Variants in EBF2 observed in about 807,000 individuals in gnomAD.
EBF2 encodes transcription factor COE2.
In EBF2, 21 loss-of-function variants were observed where a neutral mutation model predicts 72.8. The ratio of observed to expected loss-of-function variants is 0.29; its 90% CI spans 0.20 to 0.42. The LOEUF is 0.42. EBF2 is among the 10% of genes least tolerant of loss of function. EBF2 has a pLI of 1.00. For missense variants in EBF2, 637 were observed against 731.2 expected (o/e 0.87, Z 1.49); for synonymous variants, 299 against 274.2 (o/e 1.09, Z -0.89).
At chr8:26,034,526 A>G (rs1394621508) in intron 5 of EBF2, among the ~76,000 whole-genome samples, 1 of 152,208 alleles carries the variant, frequency 6.6e-6, no homozygotes, top group African/African-American at 2.4e-5. Context: ...GTCCAAAGGT[A>G]TCTGTTCGAA....
chr8:26,033,108 T>G lies in EBF2; in HGVS notation c.528A>C (p.Pro176=), dbSNP rs758404715. ...KKSCGNRNET[P]SDPVIIDRFF... ...ACCTGTCAATTATGACTGGGTCCGA[T>G]GGAGTCTCATTTCGGTTTCCACAGC... The change falls in exon 6 of 16, where the codon CCA becomes CCC. Residue 176 remains proline, a synonymous_variant. Coordinates refer to ENST00000520164, the MANE Select transcript of EBF2 (RefSeq NM_022659.4). The G allele has an allele frequency of 2.5e-6, 4 of 1,614,216 alleles. No individual in the cohort carries two copies. The highest frequency in any genetic ancestry group is 3.4e-6 in the Non-Finnish European group (4 of 1,180,036).
intron 6 of EBF2, among the ~76,000 whole-genome samples, chr8:25,967,417 G>C (rs1585210819): frequency 6.6e-6 from 1 of 152,180 alleles, no homozygotes; most frequent in African/African-American, 2.4e-5. Flanking sequence ...ATCCAACCTA[G>C]TGAGCATCAT....
intron 6 of EBF2, among the ~76,000 whole-genome samples, chr8:25,985,387 G>A (rs1804433013): frequency 6.6e-6 from 1 of 152,190 alleles, no homozygotes; most frequent in Non-Finnish European, 1.5e-5. Context: ...AGACAGCAAG[G>A]CAGAACCAAC....
rs1805076258 is a variant in EBF2 at position 26,014,437 on chromosome 8, A to T, written c.551+18648T>A. On this transcript the variant is annotated intron_variant, in intron 6 of 15. Transcript: ENST00000520164. ...TTCTTCAGGTACTCCCAAGGTGGGT[A>T]AAAATTACAAAATCAAAGTTAAGTT... Among the ~76,000 whole-genome samples the T allele has an allele frequency of 2.0e-5, 3 of 152,184 alleles. No homozygotes were observed. In the South Asian group the frequency reaches 6.2e-4, roughly 32 times the overall value.
intron 6 of EBF2, among the ~76,000 whole-genome samples, chr8:25,985,310 G>A (rs1456788445): frequency 6.6e-6 from 1 of 152,182 alleles, no homozygotes; most frequent in Non-Finnish European, 1.5e-5. Flanking sequence ...CAGTGCCACA[G>A]CAGATTTCCT....
intron 6 of EBF2, 33 bp from the exon 7 acceptor site, chr8:25,908,588 A>T (rs2117313552): frequency 8.5e-7 from 1 of 1,179,126 alleles, no homozygotes; most frequent in Non-Finnish European, 1.3e-6. Flanking sequence ...TACATTTTTC[A>T]GTAAACATTT....
intron 6 of EBF2, among the ~76,000 whole-genome samples, chr8:26,011,730 G>A (rs567098157): frequency 7.2e-5 from 11 of 152,122 alleles, no homozygotes; most frequent in African/African-American, 1.9e-4. Context: ...CACTGCTACC[G>A]CTCTGTGGTG....
chr8:25,966,980 C>G (rs2117184656), intron 6 of EBF2, among the ~76,000 whole-genome samples: 3 of 152,286 alleles, frequency 2.0e-5, no homozygotes, highest in Middle Eastern at 6.8e-3. Flanking sequence ...GAGCCAATGT[C>G]AACAATGCAT....
intron 6 of EBF2, among the ~76,000 whole-genome samples, chr8:25,966,943 A>C (rs1804124726): frequency 6.6e-6 from 1 of 152,242 alleles, no homozygotes; most frequent in Admixed American, 6.5e-5. Context: ...CTGCCCAGAC[A>C]CCATCCCTGA....
intron 6 of EBF2, among the ~76,000 whole-genome samples, chr8:25,923,731 G>A (rs1317494305): frequency 6.6e-6 from 1 of 152,180 alleles, no homozygotes; most frequent in Non-Finnish European, 1.5e-5. Flanking sequence ...GTGAGGGCCA[G>A]GTCATGGTTT....
intron 10 of EBF2, among the ~76,000 whole-genome samples, chr8:25,876,003 A>G (rs1802513504): frequency 6.6e-6 from 1 of 152,208 alleles, no homozygotes; most frequent in African/African-American, 2.4e-5. Context: ...AAGACTTGGA[A>G]CCAACCCAAA....
chr8:25,945,088 G>GCCCCCCCCCCCCCCCCCCCCC (rs11461828), intron 6 of EBF2, among the ~76,000 whole-genome samples: 1 of 127,374 alleles, frequency 7.9e-6, no homozygotes, highest in Non-Finnish European at 1.6e-5. Flanking sequence ...TTGTTCTGTT[G>GCCCCCCCCCCCCCCCCCCCCC]CCCCCCCCGC....
chr8:25,887,942 C>T lies in EBF2; in HGVS notation c.782G>A (p.Ser261Asn). ...ATPCIKAISPSEGWTTGGAMV... is the reference protein window; with the variant it reads ...ATPCIKAISPNEGWTTGGAMV... ...GGCTCCTCCTGTGGTCCAGCCTTCA[C>T]TCGGGCTAATGGCTTTGATGCAGGG... is the stretch of plus-strand genomic sequence containing the variant. The change falls in exon 9 of 16, where the codon AGT (serine) becomes AAT (asparagine). Residue 261 changes from serine to asparagine, a missense_variant. Ser to Asn is a conservative substitution (Grantham distance 46). Around this residue, in one of 3 missense-constraint regions of EBF2, gnomAD observed 204 missense variants for 301.2 expected, o/e 0.68. Transcript: ENST00000520164. 2 of 1,613,624 alleles carry T rather than the reference C, an allele frequency of 1.2e-6. No individual in the cohort carries two copies. The highest frequency in any genetic ancestry group is 1.7e-6 in the Non-Finnish European group (2 of 1,179,796).
chr8:25,892,863 C>T lies in EBF2; in HGVS notation c.634-2994G>A, dbSNP rs987739664. Among the ~76,000 whole-genome samples, 11 of 152,154 alleles carry T rather than the reference C, an allele frequency of 7.2e-5. 1 individual carries two copies. Among genetic ancestry groups the T allele is most frequent in the African/African-American group, 2.7e-4 (11 of 41,446 alleles). ...ATTATCAATATAATTGCTCACAATT[C>T]AGGGGTACAGCCTGTCTAGCGCTGT... On this transcript the variant is annotated intron_variant, in intron 7 of 15. Coordinates refer to ENST00000520164, the MANE Select transcript of EBF2 (RefSeq NM_022659.4).
chr8:25,995,024 C>T (rs1804601385), intron 6 of EBF2, among the ~76,000 whole-genome samples: 1 of 152,066 alleles, frequency 6.6e-6, no homozygotes, highest in Non-Finnish European at 1.5e-5. Context: ...AAGATATATA[C>T]AGTAGGCGTG....
chr8:25,988,825 C>T (rs951960940), intron 6 of EBF2, among the ~76,000 whole-genome samples: 6 of 152,178 alleles, frequency 3.9e-5, no homozygotes, highest in Non-Finnish European at 8.8e-5. Context: ...TGCCCCAAGT[C>T]GCATAACTAA....
intron 8 of EBF2, among the ~76,000 whole-genome samples, chr8:25,888,827 C>T (rs1802732342): frequency 6.6e-6 from 1 of 152,080 alleles, no homozygotes. Context: ...GGCAGGACTC[C>T]AAAAACATGA....
intron 8 of EBF2, among the ~76,000 whole-genome samples, chr8:25,888,864 C>A (rs1261098467): frequency 6.6e-6 from 1 of 152,224 alleles, no homozygotes; most frequent in Non-Finnish European, 1.5e-5. Context: ...CAGTCAATCA[C>A]ATCCAATCAG....
chr8:26,040,147 G>T, intron 4 of EBF2, 46 bp from the exon 5 acceptor site: 1 of 1,589,752 alleles, frequency 6.3e-7, no homozygotes, highest in Non-Finnish European at 8.6e-7. Context: ...GAGAGGGGTG[G>T]GGGGCAAGGA....
Sources: allele counts gnomAD v4.1 joint callset (sites outside exome capture counted in the v4.1 genomes callset), GRCh38; gene constraint gnomAD v4.1.1; regional missense constraint gnomAD v4.1.1; transcripts MANE v1.5; gene names NCBI Gene and HGNC (gene_info 2026-07-23, HGNC 2026-07-21).